Variants in IQCM observed in about 807,000 individuals in gnomAD.
IQCM encodes the protein IQ motif containing M.
IQCM carries 45 observed loss-of-function variants against 57.6 expected under a neutral mutation model. The ratio of observed to expected loss-of-function variants is 0.78; its 90% CI spans 0.62 to 1.00. The LOEUF is 1.00. IQCM is among the 50% of genes least tolerant of loss of function. The pLI is 0.00. For synonymous variants in IQCM, 148 were observed against 158.9 expected (o/e 0.93, Z 0.51); for missense variants, 468 against 511.6 (o/e 0.91, Z 0.82).
At chr4:149,762,150 T>A (rs1260134833) in intron 2 of IQCM, among the ~76,000 whole-genome samples, 5 of 151,782 alleles carry the variant, frequency 3.3e-5, no homozygotes, top group East Asian at 3.9e-4. Flanking sequence ...TCATAATTTT[T>A]AAAAATTTAA....
At chr4:149,792,001 TAAACTGATGCAAATAGGATGGCAAGCA>T (rs1229583220) in intron 2 of IQCM, among the ~76,000 whole-genome samples, 1 of 152,148 alleles carries the variant, frequency 6.6e-6, no homozygotes, top group African/African-American at 2.4e-5. Context: ...AACCAGAGAC[TAAACTGATGCAAATAGGATGGCAAGCA>T]AAACTCAGCT....
chr4:149,761,710 C>T (rs892135816), intron 2 of IQCM, among the ~76,000 whole-genome samples: 2 of 152,034 alleles, frequency 1.3e-5, no homozygotes, highest in African/African-American at 4.8e-5. Flanking sequence ...CGAAGAGTCT[C>T]TAATACAAGT....
intron 9 of IQCM, among the ~76,000 whole-genome samples, chr4:149,585,028 T>C (rs1452461186): frequency 1.3e-5 from 2 of 151,718 alleles, no homozygotes; most frequent in Non-Finnish European, 2.9e-5. Context: ...ACCAGTCCTA[T>C]TTGCCAACTG....
intron 5 of IQCM, among the ~76,000 whole-genome samples, chr4:149,720,741 A>G (rs946174964): frequency 4.6e-5 from 7 of 152,222 alleles, no homozygotes; most frequent in African/African-American, 1.7e-4. Flanking sequence ...GAAGAAAAGT[A>G]GAAGCATTTG....
At chr4:149,486,981 C>T (rs1157537966) in intron 12 of IQCM, among the ~76,000 whole-genome samples, 1 of 147,206 alleles carries the variant, frequency 6.8e-6, no homozygotes, top group Non-Finnish European at 1.5e-5. Context: ...TTACTTTTCC[C>T]TCTGCTTTTC....
At chr4:149,354,811 A>G (rs1035918728) in intron 13 of IQCM, among the ~76,000 whole-genome samples, 1 of 152,090 alleles carries the variant, frequency 6.6e-6, no homozygotes, top group Admixed American at 6.6e-5. Context: ...ATGTCAAAAG[A>G]TATATTTGTA....
intron 13 of IQCM, among the ~76,000 whole-genome samples, chr4:149,359,881 G>A (rs934923746): frequency 7.9e-5 from 12 of 152,094 alleles, no homozygotes; most frequent in African/African-American, 2.7e-4. Flanking sequence ...AATAAAATAA[G>A]CATTTAGGTC....
intron 12 of IQCM, among the ~76,000 whole-genome samples, chr4:149,509,171 G>A (rs1910462): frequency 0.97 from 147,813 of 152,332 alleles, 71,831 homozygotes; most frequent in East Asian, 1. Context: ...TCCTCAATAT[G>A]TTTTGCAGAA....
chr4:149,409,389 T>C (rs908383783), intron 13 of IQCM, among the ~76,000 whole-genome samples: 1 of 152,232 alleles, frequency 6.6e-6, no homozygotes, highest in Non-Finnish European at 1.5e-5. Flanking sequence ...GCACTCCCGA[T>C]GGCTGCACGC....
At chr4:149,466,606 T>C (rs1049534517) in intron 12 of IQCM, among the ~76,000 whole-genome samples, 2 of 152,174 alleles carry the variant, frequency 1.3e-5, no homozygotes, top group African/African-American at 2.4e-5. Context: ...TTAGCAAGAA[T>C]GCCAGTGGGA....
Position 149,587,918 on chromosome 4 carries a change from T to C in IQCM, c.749+12A>G, listed in dbSNP as rs1752786286. ...CATTAATTTACACTTTTCTATTATATAAAAGATATACCTGGGTTGTGATTT... is the reference window on the plus strand; with the variant it reads ...CATTAATTTACACTTTTCTATTATACAAAAGATATACCTGGGTTGTGATTT... On this transcript the variant is annotated intron_variant, in intron 9 of 13. Coordinates refer to ENST00000636793, the MANE Select transcript of IQCM (RefSeq NM_001363507.2). 8.5e-7 allele frequency: 1 copy of C among 1,182,650 alleles called. No homozygotes were observed. The highest frequency in any genetic ancestry group is 1.6e-5 in the African/African-American group (1 of 63,144). 73.3% of individuals were successfully genotyped at this position (1,182,650 alleles called of 1,614,324 possible). A position where few individuals can be genotyped will look rare whatever the true frequency, so the allele number is the denominator to read the frequency against.
chr4:149,684,514 G>A (rs900171769), intron 6 of IQCM, among the ~76,000 whole-genome samples: 10 of 151,240 alleles, frequency 6.6e-5, no homozygotes, highest in African/African-American at 2.4e-4. Flanking sequence ...CCTTTTGGGA[G>A]TTTCATAAAG....
intron 2 of IQCM, among the ~76,000 whole-genome samples, chr4:149,793,071 C>T (rs1772791734): frequency 6.6e-6 from 1 of 152,250 alleles, no homozygotes; most frequent in Admixed American, 6.5e-5. Flanking sequence ...GCTCAAATCC[C>T]TTGATGGAAT....
At chr4:149,673,734 G>C (rs1014393995) in intron 7 of IQCM, among the ~76,000 whole-genome samples, 5 of 152,080 alleles carry the variant, frequency 3.3e-5, no homozygotes, top group African/African-American at 1.2e-4. Flanking sequence ...AGTTAACAAG[G>C]ATATCCAGGA....
chr4:149,577,667 C>A (rs377425721), intron 9 of IQCM, among the ~76,000 whole-genome samples: 1 of 2,888 alleles, frequency 3.5e-4, no homozygotes. Flanking sequence ...TAGTGTGATG[C>A]CTCTAGTTTG....
intron 8 of IQCM, among the ~76,000 whole-genome samples, chr4:149,591,324 C>A (rs893062801): frequency 2.0e-4 from 30 of 151,928 alleles, no homozygotes; most frequent in Admixed American, 2.0e-4. Context: ...AACCATAAAC[C>A]TTTAGCCTTC....
intron 12 of IQCM, among the ~76,000 whole-genome samples, chr4:149,464,425 G>C (rs146372085): frequency 8.5e-5 from 13 of 152,130 alleles, no homozygotes; most frequent in African/African-American, 3.1e-4. Context: ...AGGATTAGAA[G>C]CTCTCCTGCT....
chr4:149,693,594 A>G (rs1192340863), intron 5 of IQCM, among the ~76,000 whole-genome samples: 2 of 152,142 alleles, frequency 1.3e-5, no homozygotes, highest in Non-Finnish European at 2.9e-5. Context: ...CCTGAATCCA[A>G]CCATGAAACT....
intron 7 of IQCM, among the ~76,000 whole-genome samples, chr4:149,658,763 T>A (rs1048741078): frequency 6.6e-6 from 1 of 152,154 alleles, no homozygotes; most frequent in Non-Finnish European, 1.5e-5. Flanking sequence ...TTTCCTTGAG[T>A]TCTTTTTCAG....
Sources: allele counts gnomAD v4.1 joint callset (sites outside exome capture counted in the v4.1 genomes callset), GRCh38; gene constraint gnomAD v4.1.1; transcripts MANE v1.5; gene names NCBI Gene and HGNC (gene_info 2026-07-23, HGNC 2026-07-21).